The following PLXNA4 variants were observed in gnomAD, a reference collection of about 807,000 sequenced individuals.
PLXNA4 encodes plexin-A4.
Under a neutral mutation model 191.8 loss-of-function variants are expected in PLXNA4, and 44 were observed. That is an observed-to-expected ratio of 0.23 (90% confidence interval 0.18 to 0.29). The LOEUF is 0.29. Among genes scored for constraint, PLXNA4 ranks in the 10% least tolerant of loss-of-function variants. The pLI, the probability that PLXNA4 is intolerant of heterozygous loss-of-function variation, is 1.00. For missense variants in PLXNA4, 1,800 were observed against 2,488.8 expected (o/e 0.72, Z 5.89); for synonymous variants, 1,082 against 1,009.5 (o/e 1.07, Z -1.36).
At chr7:132,447,655 C>G (rs771565363) in intron 3 of PLXNA4, among the ~76,000 whole-genome samples, 10 of 152,042 alleles carry the variant, frequency 6.6e-5, no homozygotes, top group African/African-American at 2.2e-4. Context: ...CTGTCCACAC[C>G]ACACAGCACA....
chr7:132,437,979 G>A (rs758295324), intron 3 of PLXNA4, among the ~76,000 whole-genome samples: 22 of 152,306 alleles, frequency 1.4e-4, no homozygotes, highest in Admixed American at 6.5e-4. Context: ...AGGCCAGGCC[G>A]GAAGGAAAGT....
At chr7:132,272,980 T>A (rs1800133404) in intron 4 of PLXNA4, among the ~76,000 whole-genome samples, 1 of 152,184 alleles carries the variant, frequency 6.6e-6, no homozygotes, top group Non-Finnish European at 1.5e-5. Context: ...TAATCATGAA[T>A]GCTTTGAAGG....
At chr7:132,547,579 C>T (rs1800364878) in intron 1 of PLXNA4, among the ~76,000 whole-genome samples, 1 of 152,094 alleles carries the variant, frequency 6.6e-6, no homozygotes, top group African/African-American at 2.4e-5. Flanking sequence ...GTCTGGGGCT[C>T]CTCCTGGGAT....
intron 29 of PLXNA4, among the ~76,000 whole-genome samples, chr7:132,144,613 C>T (rs1795365179): frequency 6.6e-6 from 1 of 152,204 alleles, no homozygotes; most frequent in Admixed American, 6.5e-5. Flanking sequence ...TTGCAAGTCA[C>T]TGTTAGACAT....
intron 3 of PLXNA4, among the ~76,000 whole-genome samples, chr7:132,317,266 G>T (rs747094608): frequency 2.0e-5 from 3 of 151,818 alleles, no homozygotes; most frequent in African/African-American, 7.3e-5. Flanking sequence ...GGTTGGGTTG[G>T]GTTGGATTGG....
At chr7:132,501,718 G>A (rs897013714) in intron 2 of PLXNA4, among the ~76,000 whole-genome samples, 2 of 152,216 alleles carry the variant, frequency 1.3e-5, no homozygotes, top group African/African-American at 2.4e-5. Context: ...TGCCATCTCC[G>A]AGAGAGTGGG....
At chr7:132,175,192 C>G (rs1374508044) in intron 20 of PLXNA4, among the ~76,000 whole-genome samples, 1 of 152,084 alleles carries the variant, frequency 6.6e-6, no homozygotes, top group African/African-American at 2.4e-5. Context: ...CTGAGGCTGT[C>G]CACAGATCTG....
rs1796925178 is a variant in PLXNA4 at position 132,471,286 on chromosome 7, AT to A, written c.1371+18005del. Among the ~76,000 whole-genome samples the A allele has an allele frequency of 2.0e-5, 3 of 152,266 alleles. No homozygotes were observed. The South Asian group carries it at 6.2e-4, about 32-fold the overall frequency. On this transcript the variant is annotated intron_variant, in intron 3 of 31. Transcript: ENST00000321063. ...TGAGCCAATTACACCTCTTTTCTTT[AT>A]AAAGTATCCAGCCTCAGGTATTTCT...
intron 2 of PLXNA4, among the ~76,000 whole-genome samples, chr7:132,623,032 C>T (rs189591823): frequency 1.3e-5 from 2 of 152,268 alleles, no homozygotes; most frequent in Non-Finnish European, 2.9e-5. Context: ...CCCTTCCAGC[C>T]CCTTCTCCAT....
intron 25 of PLXNA4, among the ~76,000 whole-genome samples, chr7:132,152,101 G>C (rs959984267): frequency 1.3e-5 from 2 of 152,184 alleles, no homozygotes; most frequent in African/African-American, 4.8e-5. Flanking sequence ...GCTTTCTGGA[G>C]CGCTCTTGCA....
intron 21 of PLXNA4, among the ~76,000 whole-genome samples, chr7:132,174,405 G>A (rs1796388854): frequency 1.3e-5 from 2 of 152,162 alleles, no homozygotes; most frequent in African/African-American, 4.8e-5. Context: ...CCAACTACGT[G>A]AGTCAAATCC....
chr7:132,605,593 C>G (rs1802907620), intron 2 of PLXNA4, among the ~76,000 whole-genome samples: 1 of 152,044 alleles, frequency 6.6e-6, no homozygotes, highest in African/African-American at 2.4e-5. Flanking sequence ...AGAGTTGGAA[C>G]TTGGTTTGGT....
At chr7:132,351,957 C>G (rs1158722121) in intron 3 of PLXNA4, among the ~76,000 whole-genome samples, 1 of 152,102 alleles carries the variant, frequency 6.6e-6, no homozygotes, top group Non-Finnish European at 1.5e-5. Context: ...TATTAGGCTG[C>G]GAATCAAATT....
chr7:132,607,300 C>T (rs1223087893), intron 2 of PLXNA4, among the ~76,000 whole-genome samples: 1 of 152,148 alleles, frequency 6.6e-6, no homozygotes, highest in Non-Finnish European at 1.5e-5. Flanking sequence ...TAAGGAAAAG[C>T]AGCCTCTCTC....
intron 2 of PLXNA4, among the ~76,000 whole-genome samples, chr7:132,621,299 C>T (rs1239902030): frequency 9.2e-5 from 13 of 140,852 alleles, no homozygotes; most frequent in African/African-American, 3.3e-4. Flanking sequence ...CTCACTGTCT[C>T]GCCCAGGCTG....
At chr7:132,309,410 G>C (rs749709298) in intron 3 of PLXNA4, among the ~76,000 whole-genome samples, 3 of 152,080 alleles carry the variant, frequency 2.0e-5, no homozygotes, top group Admixed American at 6.6e-5. Context: ...GTCAGGCACA[G>C]AGACGCAGGC....
At chr7:132,439,186 G>A (rs1795590522) in intron 3 of PLXNA4, among the ~76,000 whole-genome samples, 1 of 152,290 alleles carries the variant, frequency 6.6e-6, no homozygotes, top group African/African-American at 2.4e-5. Context: ...TTGCAGTGCA[G>A]CTGGCAGGTG....
intron 4 of PLXNA4, among the ~76,000 whole-genome samples, chr7:132,258,931 A>G (rs1799525430): frequency 6.6e-6 from 1 of 152,254 alleles, no homozygotes; most frequent in African/African-American, 2.4e-5. Context: ...ACATCATTAA[A>G]TATAATCAGA....
chr7:132,372,999 CATTT>C (rs1331809923), intron 3 of PLXNA4, among the ~76,000 whole-genome samples: 2 of 152,194 alleles, frequency 1.3e-5, no homozygotes. Flanking sequence ...TAATGCCAAA[CATTT>C]ATTACTTACT....
Sources: allele counts gnomAD v4.1 joint callset (sites outside exome capture counted in the v4.1 genomes callset), GRCh38; gene constraint gnomAD v4.1.1; transcripts MANE v1.5; gene names NCBI Gene and HGNC (gene_info 2026-07-23, HGNC 2026-07-21).